MOB3B: variants seen among roughly 807,000 people sequenced by gnomAD.
MOB3B encodes the protein MOB kinase activator-like 2B.
In MOB3B, 7 loss-of-function variants were observed where a neutral mutation model predicts 18.7. That is an observed-to-expected ratio of 0.37 (90% CI 0.21 to 0.70). MOB3B has a LOEUF of 0.70. Among genes scored for constraint, MOB3B ranks in the 30% least tolerant of loss-of-function variants. The pLI, the probability that MOB3B is intolerant of heterozygous loss-of-function variation, is 0.52. For synonymous variants in MOB3B, 111 were observed against 99.9 expected (o/e 1.11, Z -0.66); for missense variants, 253 against 281.3 (o/e 0.90, Z 0.72).
intron 1 of MOB3B, among the ~76,000 whole-genome samples, chr9:27,466,790 G>A (rs191476462): frequency 2.1e-4 from 32 of 152,224 alleles, no homozygotes; most frequent in Admixed American, 3.3e-4. Flanking sequence ...GGGAAAGACC[G>A]GCCCTTATGA....
intron 2 of MOB3B, among the ~76,000 whole-genome samples, chr9:27,388,932 T>A (rs1821687872): frequency 6.6e-6 from 1 of 152,186 alleles, no homozygotes; most frequent in Admixed American, 6.5e-5. Flanking sequence ...GCCACTGCCC[T>A]CGCCTGACCA....
intron 1 of MOB3B, chr9:27,524,237 C>T: frequency 1.6e-6 from 2 of 1,224,402 alleles, no homozygotes; most frequent in Non-Finnish European, 2.2e-6. Context: ...GAGAAAACTC[C>T]TCCTGCTGAA....
At chr9:27,521,091 C>A (rs891981823) in intron 1 of MOB3B, among the ~76,000 whole-genome samples, 5 of 152,104 alleles carry the variant, frequency 3.3e-5, no homozygotes, top group Admixed American at 6.5e-5. Context: ...CTTGGGGAAC[C>A]CTAAGAATTA....
At chr9:27,437,136 T>C (rs183724521) in intron 2 of MOB3B, among the ~76,000 whole-genome samples, 2 of 152,258 alleles carry the variant, frequency 1.3e-5, no homozygotes, top group East Asian at 1.9e-4. Flanking sequence ...AAGGGTCCAG[T>C]AGGCCAAGGT....
At chr9:27,346,754 G>A (rs1821035701) in intron 3 of MOB3B, among the ~76,000 whole-genome samples, 1 of 152,164 alleles carries the variant, frequency 6.6e-6, no homozygotes, top group African/African-American at 2.4e-5. Flanking sequence ...CAGCACTTTG[G>A]GAGGTCGAGG....
chr9:27,452,308 G>A (rs1822802809), intron 2 of MOB3B, among the ~76,000 whole-genome samples: 1 of 152,294 alleles, frequency 6.6e-6, no homozygotes, highest in Non-Finnish European at 1.5e-5. Flanking sequence ...ATAATTTAAA[G>A]AGCTGGTATT....
chr9:27,386,092 A>G (rs941808130), intron 2 of MOB3B, among the ~76,000 whole-genome samples: 1 of 152,246 alleles, frequency 6.6e-6, no homozygotes, highest in African/African-American at 2.4e-5. Flanking sequence ...TATGATAGTC[A>G]TAGGCAGGAG....
At chr9:27,344,069 T>C (rs1820996665) in intron 3 of MOB3B, among the ~76,000 whole-genome samples, 1 of 151,930 alleles carries the variant, frequency 6.6e-6, no homozygotes, top group Non-Finnish European at 1.5e-5. Context: ...TAAATTTCCT[T>C]ATGTGTATTT....
intron 1 of MOB3B, among the ~76,000 whole-genome samples, chr9:27,510,572 T>C (rs1206621979): frequency 6.6e-6 from 1 of 152,234 alleles, no homozygotes; most frequent in Non-Finnish European, 1.5e-5. Flanking sequence ...CTGCAAGATA[T>C]TGTAGGCTTT....
chr9:27,445,845 G>A (rs1007221890), intron 2 of MOB3B, among the ~76,000 whole-genome samples: 2 of 151,950 alleles, frequency 1.3e-5, no homozygotes, highest in East Asian at 1.9e-4. Flanking sequence ...CATTGCCGGC[G>A]GATTGTCAAG....
Position 27,403,516 on chromosome 9 carries a change from ATTTTTTTTTTTTTTT to A in MOB3B, c.419-44295_419-44281del, listed in dbSNP as rs74178385. Among the ~76,000 whole-genome samples the A allele has an allele frequency of 5.1e-3, 405 of 79,642 alleles. 8 individuals are homozygous for A. Among genetic ancestry groups the A allele is most frequent in the East Asian group, 0.038 (95 of 2,468 alleles). 52.2% of individuals were successfully genotyped at this position (79,642 alleles called of 152,430 possible). ...TAATGCTTGGTCTGGCTCTTTACTA[ATTTTTTTTTTTTTTT>A]TTTTTTTTTTTTTTTTTAAGAGACA... On this transcript the variant is annotated intron_variant, in intron 2 of 3. Transcript: ENST00000262244.
chr9:27,467,653 G>A lies in MOB3B; in HGVS notation c.-198-11905C>T, dbSNP rs114221892. Among the ~76,000 whole-genome samples, 167 of 152,362 alleles carry A rather than the reference G, an allele frequency of 1.1e-3. 1 individual carries two copies. The highest frequency in any genetic ancestry group is 3.9e-3 in the African/African-American group (161 of 41,584). On this transcript the variant is annotated intron_variant, in intron 1 of 3. Coordinates refer to ENST00000262244, the MANE Select transcript of MOB3B (RefSeq NM_024761.5). ...TTACTAACATCGCCCCAGGGCAAGT[G>A]GAGGGATGGATTCACTTAGTTGGCA...
chr9:27,492,845 C>A (rs1819841418), intron 1 of MOB3B, among the ~76,000 whole-genome samples: 1 of 152,172 alleles, frequency 6.6e-6, no homozygotes, highest in African/African-American at 2.4e-5. Flanking sequence ...TGGAACAAAG[C>A]AATCCTGCAT....
intron 2 of MOB3B, among the ~76,000 whole-genome samples, chr9:27,389,630 T>C (rs1298024801): frequency 6.6e-5 from 10 of 152,214 alleles, no homozygotes; most frequent in Non-Finnish European, 1.0e-4. Context: ...TCTAGCTTCC[T>C]TATGATTATC....
intron 2 of MOB3B, among the ~76,000 whole-genome samples, chr9:27,427,583 G>A (rs763193045): frequency 1.1e-4 from 17 of 152,096 alleles, no homozygotes; most frequent in African/African-American, 1.7e-4. Context: ...TAACAAACTC[G>A]AGAGATGGAT....
intron 3 of MOB3B, among the ~76,000 whole-genome samples, chr9:27,338,014 C>G (rs757114566): frequency 6.6e-6 from 1 of 152,164 alleles, no homozygotes. Context: ...GCACCACTCT[C>G]TAATGCCTGC....
At chr9:27,451,499 G>C (rs1031989633) in intron 2 of MOB3B, among the ~76,000 whole-genome samples, 5 of 152,212 alleles carry the variant, frequency 3.3e-5, no homozygotes, top group East Asian at 3.8e-4. Flanking sequence ...TCTAGGAACA[G>C]ATGAAAGCTT....
At chr9:27,447,615 C>G (rs560783463) in intron 2 of MOB3B, among the ~76,000 whole-genome samples, 1 of 152,302 alleles carries the variant, frequency 6.6e-6, no homozygotes, top group East Asian at 1.9e-4. Context: ...AGTCTTCAGG[C>G]CCTCTAAGGG....
intron 2 of MOB3B, among the ~76,000 whole-genome samples, chr9:27,366,515 T>C (rs1821344411): frequency 6.6e-6 from 1 of 152,192 alleles, no homozygotes; most frequent in Non-Finnish European, 1.5e-5. Context: ...GTGTTACTTA[T>C]TTTATCTTGT....
Sources: allele counts gnomAD v4.1 joint callset (sites outside exome capture counted in the v4.1 genomes callset), GRCh38; gene constraint gnomAD v4.1.1; transcripts MANE v1.5; gene names NCBI Gene and HGNC (gene_info 2026-07-23, HGNC 2026-07-21).